NAALADL2: variants seen among roughly 807,000 people sequenced by gnomAD.
NAALADL2 encodes N-acetylated alpha-linked acidic dipeptidase like 2, also known as inactive N-acetylated-alpha-linked acidic dipeptidase-like protein 2.
Under a neutral mutation model 87.2 loss-of-function variants are expected in NAALADL2, and 76 were observed. The observed-to-expected ratio is 0.87, with a 90% confidence interval of 0.72 to 1.05. The LOEUF (loss-of-function observed/expected upper bound fraction) is 1.05, where lower values mean the gene tolerates loss of function less well. Ranked by LOEUF, NAALADL2 falls within the 50% of genes least tolerant of loss-of-function variation. The probability of loss-of-function intolerance (pLI) is 0.00; values close to 1 mark genes in which losing one functional copy is unlikely to be tolerated. For missense variants in NAALADL2, 1,089 were observed against 945.8 expected, an observed-to-expected ratio of 1.15 and a Z score of -1.99; for synonymous variants, 354 against 331.0, an observed-to-expected ratio of 1.07 and a Z score of -0.75.
At chr3:174,635,402 T>A (rs979212985) in intron 2 of NAALADL2, among the ~76,000 whole-genome samples, 3 of 152,224 alleles carry the variant, frequency 2.0e-5, no homozygotes, top group Non-Finnish European at 4.4e-5. Flanking sequence ...TACTAACTTA[T>A]TTTTACAGGT....
chr3:175,618,865 T>A (rs1178794291), intron 10 of NAALADL2, among the ~76,000 whole-genome samples: 2 of 152,088 alleles, frequency 1.3e-5, no homozygotes, highest in Non-Finnish European at 2.9e-5. Flanking sequence ...TTGGGTTCCG[T>A]ATACCTCATC....
intron 1 of NAALADL2, among the ~76,000 whole-genome samples, chr3:174,963,018 C>A (rs1420096766): frequency 6.6e-6 from 1 of 151,974 alleles, no homozygotes; most frequent in East Asian, 1.9e-4. Flanking sequence ...TATTATTTTT[C>A]ATTGTGGCCT....
At chr3:174,955,494 A>G (rs1741025804) in intron 1 of NAALADL2, among the ~76,000 whole-genome samples, 1 of 152,088 alleles carries the variant, frequency 6.6e-6, no homozygotes, top group African/African-American at 2.4e-5. Flanking sequence ...ATCAGCTAAT[A>G]AGGATCAGGA....
intron 2 of NAALADL2, among the ~76,000 whole-genome samples, chr3:174,691,361 G>A (rs1464743695): frequency 2.0e-5 from 3 of 151,780 alleles, no homozygotes; most frequent in African/African-American, 2.4e-5. Flanking sequence ...GCAGTGGTCC[G>A]AGATCGCGCC....
intron 1 of NAALADL2, among the ~76,000 whole-genome samples, chr3:174,496,753 AGTT>A (rs1481208601): frequency 6.6e-6 from 1 of 152,072 alleles, no homozygotes; most frequent in African/African-American, 2.4e-5. Context: ...AGTGAACTCA[AGTT>A]GTGTTAGAAC....
intron 9 of NAALADL2, among the ~76,000 whole-genome samples, chr3:175,493,542 C>G (rs567840036): frequency 1.3e-5 from 2 of 152,228 alleles, no homozygotes; most frequent in Non-Finnish European, 2.9e-5. Flanking sequence ...AATCATTTAA[C>G]TTTGCCCTGC....
intron 2 of NAALADL2, among the ~76,000 whole-genome samples, chr3:175,174,793 ATATG>A (rs898339332): frequency 9.4e-5 from 14 of 148,382 alleles, no homozygotes; most frequent in South Asian, 2.1e-4. Context: ...GTGTGTATAT[ATATG>A]TGTGTGTGTG....
intron 1 of NAALADL2, among the ~76,000 whole-genome samples, chr3:175,087,381 C>T (rs542344430): frequency 1.3e-5 from 2 of 152,264 alleles, no homozygotes; most frequent in African/African-American, 4.8e-5. Context: ...AGCGCCTCTG[C>T]CCGGCCGCCA....
intron 1 of NAALADL2, among the ~76,000 whole-genome samples, chr3:174,535,790 T>C (rs1334361038): frequency 3.3e-5 from 5 of 152,146 alleles, no homozygotes; most frequent in East Asian, 3.9e-4. Context: ...GGTTGACTTA[T>C]AGCTGATAGG....
chr3:175,174,033 A>G (rs1735292260), intron 2 of NAALADL2, among the ~76,000 whole-genome samples: 1 of 152,052 alleles, frequency 6.6e-6, no homozygotes, highest in South Asian at 2.1e-4. Context: ...TTATTTTATT[A>G]TTGTACCCTC....
chr3:175,337,966 T>C (rs1203538891), intron 5 of NAALADL2, among the ~76,000 whole-genome samples: 1 of 152,186 alleles, frequency 6.6e-6, no homozygotes, highest in Non-Finnish European at 1.5e-5. Context: ...ATGAGAGTGG[T>C]GTATGGAAAC....
intron 1 of NAALADL2, among the ~76,000 whole-genome samples, chr3:175,086,941 T>G (rs1220642293): frequency 6.6e-6 from 1 of 152,130 alleles, no homozygotes; most frequent in Non-Finnish European, 1.5e-5. Context: ...ATACATAAAG[T>G]TTACTTACAG....
intron 11 of NAALADL2, among the ~76,000 whole-genome samples, chr3:175,627,999 G>T (rs558339429): frequency 6.6e-6 from 1 of 151,610 alleles, no homozygotes; most frequent in Non-Finnish European, 1.5e-5. Flanking sequence ...GAAAAAGACC[G>T]CATTGATAGT....
At chr3:174,667,951 T>A (rs1424687706) in intron 2 of NAALADL2, among the ~76,000 whole-genome samples, 3 of 152,152 alleles carry the variant, frequency 2.0e-5, no homozygotes, top group Non-Finnish European at 2.9e-5. Flanking sequence ...TTATTTTTTT[T>A]ATGATAGCAG....
chr3:174,982,423 T>G (rs1745243822), intron 1 of NAALADL2, among the ~76,000 whole-genome samples: 1 of 152,100 alleles, frequency 6.6e-6, no homozygotes, highest in African/African-American at 2.4e-5. Flanking sequence ...CCTCTGATGA[T>G]TTGAGGATTC....
chr3:175,261,675 T>C (rs973872483), intron 4 of NAALADL2, among the ~76,000 whole-genome samples: 1 of 152,116 alleles, frequency 6.6e-6, no homozygotes, highest in Non-Finnish European at 1.5e-5. Flanking sequence ...TCTTATATAC[T>C]TTTTTATCCT....
intron 3 of NAALADL2, among the ~76,000 whole-genome samples, chr3:174,762,694 C>T (rs1298647921): frequency 6.6e-6 from 1 of 152,034 alleles, no homozygotes; most frequent in Non-Finnish European, 1.5e-5. Context: ...GCCCCAGAGT[C>T]ATCCTGAGGC....
chr3:175,546,322 A>G (rs1053630646), intron 9 of NAALADL2, among the ~76,000 whole-genome samples: 2 of 152,012 alleles, frequency 1.3e-5, no homozygotes, highest in Non-Finnish European at 2.9e-5. Context: ...CACCATACCA[A>G]TGGTTCTTGG....
In NAALADL2 at chr3:175,447,390, G is replaced by A. The variant is rs186527301; in HGVS notation, c.1234+18G>A. The A allele has an allele frequency of 1.6e-4, 250 of 1,516,782 alleles. 3 individuals carry two copies. In the East Asian group the frequency reaches 4.9e-3, roughly 30 times the overall value. The allele number at this position is 1,516,782 out of a possible 1,614,324, so 94.0% of individuals were successfully genotyped here. A position where few individuals can be genotyped will look rare whatever the true frequency, so the allele number is the denominator to read the frequency against. ...AAATAATGGTAAAGTATTTAATGTC[G>A]TTCTCTGTATTTTACAGTTTTTTTA... is the stretch of plus-strand genomic sequence containing the variant. On this transcript the variant is annotated intron_variant, in intron 6 of 13. Transcript: ENST00000454872.
Sources: allele counts gnomAD v4.1 joint callset (sites outside exome capture counted in the v4.1 genomes callset), GRCh38; gene constraint gnomAD v4.1.1; transcripts MANE v1.5; gene names NCBI Gene and HGNC (gene_info 2026-07-23, HGNC 2026-07-21).